REV3L: variants seen among roughly 807,000 people sequenced by gnomAD.
REV3L encodes DNA polymerase zeta catalytic subunit.
REV3L carries 69 observed loss-of-function variants against 299.4 expected under a neutral mutation model. That is an observed-to-expected ratio of 0.23 (90% CI 0.19 to 0.28). The LOEUF (loss-of-function observed/expected upper bound fraction) is 0.28, where lower values mean the gene tolerates loss of function less well. REV3L is among the 10% of genes least tolerant of loss of function. REV3L has a pLI of 1.00. For missense variants in REV3L, 3,128 were observed against 3,693.8 expected (o/e 0.85, Z 3.97); for synonymous variants, 1,238 against 1,271.4 (o/e 0.97, Z 0.56).
chr6:111,318,679 T>C (rs1169185391), intron 26 of REV3L, among the ~76,000 whole-genome samples: 1 of 152,054 alleles, frequency 6.6e-6, no homozygotes, highest in African/African-American at 2.4e-5. Context: ...CAAGCGATTC[T>C]CCTGCCTCAG....
intron 23 of REV3L, 37 bp downstream of exon 23, chr6:111,333,086 C>A: frequency 3.1e-6 from 5 of 1,605,386 alleles, no homozygotes; most frequent in Non-Finnish European, 4.3e-6. Flanking sequence ...AAGTACAAAG[C>A]ACAACAATAT....
chr6:111,438,793 G>T (rs983369625), intron 1 of REV3L, among the ~76,000 whole-genome samples: 1 of 152,100 alleles, frequency 6.6e-6, no homozygotes, highest in African/African-American at 2.4e-5. Context: ...ATCTCACGGG[G>T]TCCTGAATAA....
At chr6:111,354,236 T>G (rs543127984) in intron 18 of REV3L, 1 of 152,360 alleles carries the variant, frequency 6.6e-6, no homozygotes, top group South Asian at 2.1e-4. Context: ...TTTCTTCATC[T>G]GAATCTTTCT....
chr6:111,343,015 A>G (rs1209277310), intron 21 of REV3L, among the ~76,000 whole-genome samples: 1 of 152,208 alleles, frequency 6.6e-6, no homozygotes, highest in Non-Finnish European at 1.5e-5. Flanking sequence ...CAGACTTGCC[A>G]AAGAAAACAG....
At chr6:111,452,472 A>G (rs1487251406) in intron 1 of REV3L, among the ~76,000 whole-genome samples, 2 of 152,228 alleles carry the variant, frequency 1.3e-5, no homozygotes, top group Non-Finnish European at 2.9e-5. Flanking sequence ...ATATCCATAT[A>G]ATGGATAAAT....
At chr6:111,316,834 T>C (rs1300300761) in intron 26 of REV3L, among the ~76,000 whole-genome samples, 16 of 152,228 alleles carry the variant, frequency 1.1e-4, no homozygotes, top group Admixed American at 8.5e-4. Context: ...AATCTTTTCA[T>C]ATGCTATAAT....
intron 21 of REV3L, among the ~76,000 whole-genome samples, chr6:111,338,521 A>AT (rs1776170656): frequency 6.6e-6 from 1 of 151,094 alleles, no homozygotes; most frequent in Non-Finnish European, 1.5e-5. Context: ...ATTTAAAAGT[A>AT]TATAATATAG....
chr6:111,302,208 A>G (rs1415640385), intron 31 of REV3L, among the ~76,000 whole-genome samples: 1 of 152,232 alleles, frequency 6.6e-6, no homozygotes, highest in East Asian at 1.9e-4. Context: ...ATGCTCCATG[A>G]AGACTGAGTA....
At chr6:111,426,484 TTG>T (rs1040034466) in intron 1 of REV3L, among the ~76,000 whole-genome samples, 2 of 152,194 alleles carry the variant, frequency 1.3e-5, no homozygotes, top group African/African-American at 4.8e-5. Flanking sequence ...TTGCAATTTT[TTG>T]TGTGTGAAAA....
chr6:111,430,764 C>CGCAGCTTGAGCA, intron 1 of REV3L: 1 of 1,596,856 alleles, frequency 6.3e-7, no homozygotes, highest in Non-Finnish European at 8.6e-7. Flanking sequence ...TTAGAGAGAG[C>CGCAGCTTGAGCA]GCAGGAGCAG....
intron 1 of REV3L, among the ~76,000 whole-genome samples, chr6:111,477,394 T>C (rs1226682591): frequency 6.6e-6 from 1 of 152,338 alleles, no homozygotes; most frequent in Middle Eastern, 3.4e-3. Flanking sequence ...CATATGAAAT[T>C]ACAATGACAG....
intron 26 of REV3L, among the ~76,000 whole-genome samples, chr6:111,317,031 TTAAG>T (rs1219681444): frequency 3.9e-5 from 6 of 152,204 alleles, no homozygotes; most frequent in African/African-American, 1.4e-4. Flanking sequence ...TAATAAATAT[TTAAG>T]TAAGATAGAT....
In REV3L at chr6:111,299,882, T is replaced by G; in HGVS notation, c.*134A>C. On this transcript the variant is annotated 3_prime_UTR_variant, in exon 32 of 32. Transcript: ENST00000368802. The stretch of plus-strand genomic sequence containing the variant: ...CAAGTACATTTTAATTCGGTTAGCA[T>G]AGAAGTCTTCATAGTCTTCAGATAA... 1 of 811,086 alleles carries G rather than the reference T, an allele frequency of 1.2e-6. No homozygotes were observed. Among genetic ancestry groups the G allele is most frequent in the Non-Finnish European group, 1.9e-6 (1 of 525,716 alleles). 50.2% of individuals were successfully genotyped at this position (811,086 alleles called of 1,614,324 possible).
intron 1 of REV3L, among the ~76,000 whole-genome samples, chr6:111,417,590 T>A (rs55812705): frequency 6.6e-6 from 1 of 152,132 alleles, no homozygotes. Context: ...TTGGTAGGAA[T>A]GTAAATATTT....
chr6:111,325,330 A>AT, intron 25 of REV3L, among the ~76,000 whole-genome samples: 1 of 152,368 alleles, frequency 6.6e-6, no homozygotes, highest in South Asian at 2.1e-4. Context: ...TAAAAATTTT[A>AT]ATTTATGAAG....
At chr6:111,449,464 G>A (rs143977692) in intron 1 of REV3L, among the ~76,000 whole-genome samples, 7,048 of 152,256 alleles carry the variant, frequency 0.046, 234 homozygotes, top group Middle Eastern at 0.085. Context: ...GTATCAGCAC[G>A]TGCTTTGTGA....
chr6:111,411,390 A>C, intron 3 of REV3L, 90 bp downstream of exon 3: 2 of 816,416 alleles, frequency 2.4e-6, no homozygotes. Flanking sequence ...ATAAGACTAC[A>C]AACTATAGAG....
chr6:111,418,550 T>C (rs766136589), intron 1 of REV3L, among the ~76,000 whole-genome samples: 1 of 152,202 alleles, frequency 6.6e-6, no homozygotes, highest in Admixed American at 6.5e-5. Context: ...ATAGGGTAAG[T>C]GCTTTACCTA....
At chr6:111,483,286 G>A (rs568810722), upstream of REV3L, 1,401 of 490,312 alleles carry the variant, frequency 2.9e-3, 15 homozygotes, top group African/African-American at 0.026. Flanking sequence ...AGTAGTGCGG[G>A]GGAGGGGGCT....
Sources: gnomAD v4.1 joint callset for allele counts (sites outside exome capture counted in the v4.1 genomes callset) on GRCh38, gnomAD v4.1.1 for gene constraint, MANE v1.5 for transcripts, NCBI Gene and HGNC (gene_info 2026-07-23, HGNC 2026-07-21) for gene names.